The following SDK1 variants were observed in gnomAD, a reference collection of about 807,000 sequenced individuals.
SDK1 encodes the protein sidekick cell adhesion molecule 1, also known as protein sidekick-1.
A neutral mutation model predicts 245.5 loss-of-function variants in SDK1; 157 were observed. The ratio of observed to expected loss-of-function variants is 0.64; its 90% CI spans 0.56 to 0.73. The LOEUF (loss-of-function observed/expected upper bound fraction) is 0.73, where lower values mean the gene tolerates loss of function less well. SDK1 is among the 30% of genes least tolerant of loss of function. The pLI is 0.00. For synonymous variants in SDK1, 1,647 were observed against 1,278.5 expected, an observed-to-expected ratio of 1.29 and a Z score of -6.15; for missense variants, 3,583 against 3,002.3, an observed-to-expected ratio of 1.19 and a Z score of -4.52.
chr7:4,240,614 C>T (rs779428020), intron 42 of SDK1, among the ~76,000 whole-genome samples: 3 of 152,170 alleles, frequency 2.0e-5, no homozygotes, highest in African/African-American at 7.2e-5. Flanking sequence ...TTTAGAAATG[C>T]CAACGCACTT....
chr7:4,093,483 A>G (rs1292659523), intron 22 of SDK1, among the ~76,000 whole-genome samples: 1 of 142,364 alleles, frequency 7.0e-6, no homozygotes, highest in Admixed American at 6.9e-5. Flanking sequence ...AAAAAAAAAA[A>G]GTCCCACTTA....
At chr7:3,806,414 C>A (rs939912004) in intron 4 of SDK1, among the ~76,000 whole-genome samples, 8 of 152,180 alleles carry the variant, frequency 5.3e-5, no homozygotes, top group African/African-American at 1.9e-4. Flanking sequence ...CCTTATTCGG[C>A]CCACCACGAG....
At chr7:3,698,794 C>T (rs930019151) in intron 4 of SDK1, among the ~76,000 whole-genome samples, 3 of 152,180 alleles carry the variant, frequency 2.0e-5, no homozygotes, top group South Asian at 2.1e-4. Flanking sequence ...ATAAGGGAAC[C>T]AGTTTCATCA....
In SDK1 at chr7:3,504,780, GAAA is replaced by G. The variant is rs35690254; in HGVS notation, c.299-114290_299-114288del. 2.8e-5 allele frequency among the ~76,000 whole-genome samples: 4 copies of G among 144,232 alleles called. No homozygotes were observed. In the Admixed American group the frequency reaches 2.8e-4, roughly 10 times the overall value. The allele number at this position is 144,232 out of a possible 152,430, so 94.6% of individuals were successfully genotyped here. On this transcript the variant is annotated intron_variant, in intron 1 of 44. Coordinates refer to ENST00000404826, the MANE Select transcript of SDK1 (RefSeq NM_152744.4). ...ACACTAAAAGCACAAACAACAGAAG[GAAA>G]AAAAAAAAACCATACTTGGCTGGTG...
At chr7:3,607,285 G>A (rs1224318611) in intron 1 of SDK1, among the ~76,000 whole-genome samples, 1 of 152,010 alleles carries the variant, frequency 6.6e-6, no homozygotes, top group Non-Finnish European at 1.5e-5. Flanking sequence ...ATATTCCAGG[G>A]GGAAATCATA....
At chr7:3,562,995 C>T (rs983998771) in intron 1 of SDK1, among the ~76,000 whole-genome samples, 5 of 150,806 alleles carry the variant, frequency 3.3e-5, no homozygotes, top group Non-Finnish European at 5.9e-5. Context: ...CATAAGAAAA[C>T]AGAAAATACA....
intron 17 of SDK1, among the ~76,000 whole-genome samples, chr7:4,030,357 T>C (rs149927242): frequency 6.7e-4 from 102 of 152,332 alleles, no homozygotes; most frequent in Middle Eastern, 3.4e-3. Context: ...CAGAAGTTGC[T>C]CAAAGAAAGA....
chr7:4,149,530 C>A, intron 30 of SDK1, 67 bp downstream of exon 30: 1 of 1,168,470 alleles, frequency 8.6e-7, no homozygotes, highest in Non-Finnish European at 1.1e-6. Flanking sequence ...AGCTCCTGTC[C>A]AGATAGTGGG....
In SDK1 at chr7:3,830,661, A is replaced by G. The variant is rs549892147; in HGVS notation, c.847+9078A>G. Among the ~76,000 whole-genome samples the G allele has an allele frequency of 4.6e-5, 7 of 152,106 alleles. No individual in the cohort carries two copies. The East Asian group carries it at 7.7e-4, about 17-fold the overall frequency. Reference sequence around the variant, plus strand: ...CAGGTGTACACCACCACACTTGGCTAATTTTTAAAAAATTTTTGTGGAGAC... The same window carrying G: ...CAGGTGTACACCACCACACTTGGCTGATTTTTAAAAAATTTTTGTGGAGAC... On this transcript the variant is annotated intron_variant, in intron 5 of 44. Transcript: ENST00000404826.
intron 4 of SDK1, among the ~76,000 whole-genome samples, chr7:3,752,394 A>G (rs1366419724): frequency 6.6e-6 from 1 of 152,202 alleles, no homozygotes; most frequent in Non-Finnish European, 1.5e-5. Flanking sequence ...TGAGCTTAAT[A>G]CTTTTAATGC....
rs144185995 is a variant in SDK1 at position 4,180,108 on chromosome 7, G to A, written c.5098+1522G>A. ...GGGTGGTGCGGGAAACTGGGGAGTCGCGCCAGGGCCAGCCAAGCGGCAACA... is the reference window on the plus strand; with the variant it reads ...GGGTGGTGCGGGAAACTGGGGAGTCACGCCAGGGCCAGCCAAGCGGCAACA... On this transcript the variant is annotated intron_variant, in intron 35 of 44. Coordinates refer to ENST00000404826, the MANE Select transcript of SDK1 (RefSeq NM_152744.4). Among the ~76,000 whole-genome samples, 153 of 152,188 alleles carry A rather than the reference G, an allele frequency of 1.0e-3. No individual in the cohort carries two copies. The East Asian group carries it at 0.014, about 14-fold the overall frequency.
intron 7 of SDK1, among the ~76,000 whole-genome samples, chr7:3,956,579 G>A (rs945772055): frequency 1.3e-5 from 2 of 152,244 alleles, no homozygotes; most frequent in East Asian, 1.9e-4. Flanking sequence ...TGAACAGCCA[G>A]ATGTTTTCCA....
At chr7:3,543,307 C>A (rs1169330814) in intron 1 of SDK1, among the ~76,000 whole-genome samples, 2 of 152,210 alleles carry the variant, frequency 1.3e-5, no homozygotes, top group East Asian at 3.8e-4. Context: ...TGTTATACTC[C>A]TTGCTTAATT....
intron 22 of SDK1, among the ~76,000 whole-genome samples, chr7:4,100,267 T>C (rs1257755743): frequency 6.6e-6 from 1 of 152,068 alleles, no homozygotes; most frequent in Non-Finnish European, 1.5e-5. Flanking sequence ...GACACGGCCC[T>C]GGGCTCCTAG....
intron 1 of SDK1, among the ~76,000 whole-genome samples, chr7:3,374,112 T>C (rs1781294588): frequency 1.3e-5 from 2 of 152,158 alleles, no homozygotes; most frequent in Admixed American, 6.5e-5. Context: ...TCCACGGTAA[T>C]TGGAGCAATG....
chr7:3,568,373 C>G (rs1779994607), intron 1 of SDK1, among the ~76,000 whole-genome samples: 2 of 152,160 alleles, frequency 1.3e-5, no homozygotes, highest in Admixed American at 6.5e-5. Flanking sequence ...CTTTTTCCCT[C>G]TATTACCATA....
intron 22 of SDK1, among the ~76,000 whole-genome samples, chr7:4,086,107 C>T (rs532653577): frequency 5.3e-5 from 8 of 152,230 alleles, no homozygotes; most frequent in East Asian, 3.9e-4. Flanking sequence ...CTTTCTTCCA[C>T]GGAAGGTGGC....
intron 4 of SDK1, among the ~76,000 whole-genome samples, chr7:3,765,965 A>G (rs1161279386): frequency 6.6e-6 from 1 of 152,202 alleles, no homozygotes; most frequent in East Asian, 1.9e-4. Context: ...TCCATGAGAT[A>G]CAGAACCTAG....
At chr7:3,318,413 G>A (rs977110592) in intron 1 of SDK1, among the ~76,000 whole-genome samples, 4 of 152,148 alleles carry the variant, frequency 2.6e-5, no homozygotes, top group African/African-American at 9.7e-5. Flanking sequence ...CTCTCACAAG[G>A]TTTTTGTAAG....
Sources: allele counts gnomAD v4.1 joint callset (sites outside exome capture counted in the v4.1 genomes callset), GRCh38; gene constraint gnomAD v4.1.1; transcripts MANE v1.5; gene names NCBI Gene and HGNC (gene_info 2026-07-23, HGNC 2026-07-21).